SHANK2: variants seen among roughly 807,000 people sequenced by gnomAD.
SHANK2 encodes the protein SH3 and multiple ankyrin repeat domains protein 2.
In SHANK2, 43 loss-of-function variants were observed where a neutral mutation model predicts 133.7. The observed-to-expected ratio is 0.32, with a 90% CI of 0.25 to 0.41. The LOEUF (loss-of-function observed/expected upper bound fraction) is 0.41, where lower values mean the gene tolerates loss of function less well. Ranked by LOEUF, SHANK2 falls within the 10% of genes least tolerant of loss-of-function variation. The pLI is 1.00. For synonymous variants in SHANK2, 1,017 were observed against 952.8 expected, an observed-to-expected ratio of 1.07 and a Z score of -1.24; for missense variants, 1,994 against 2,235.8, an observed-to-expected ratio of 0.89 and a Z score of 2.18.
At chr11:71,094,723 C>T in intron 6 of SHANK2, 35 bp from the exon 7 acceptor site, 1 of 1,541,602 alleles carries the variant, frequency 6.5e-7, no homozygotes, top group Non-Finnish European at 8.8e-7. Context: ...TTAGAACCAA[C>T]ATTTGTCACA....
At chr11:70,869,393 C>T (rs531868576) in intron 11 of SHANK2, among the ~76,000 whole-genome samples, 60 of 152,338 alleles carry the variant, frequency 3.9e-4, no homozygotes, top group Non-Finnish European at 6.8e-4. Context: ...TTGGGATGCA[C>T]CGATCGGCAC....
chr11:71,138,363 T>C (rs1952489267), intron 3 of SHANK2, among the ~76,000 whole-genome samples: 2 of 152,172 alleles, frequency 1.3e-5, no homozygotes. Context: ...TATTCAAAAG[T>C]AGAGGAATCC....
At chr11:71,090,095 G>A (rs1385162322) in intron 8 of SHANK2, among the ~76,000 whole-genome samples, 3 of 151,192 alleles carry the variant, frequency 2.0e-5, no homozygotes, top group African/African-American at 7.3e-5. Flanking sequence ...GAACGTGTGT[G>A]TGTGTGTGTG....
chr11:71,090,088 CGTGTGTGTGT>C (rs1302645293), intron 8 of SHANK2, among the ~76,000 whole-genome samples: 1 of 141,032 alleles, frequency 7.1e-6, no homozygotes. Context: ...AGACACAGAA[CGTGTGTGTGT>C]GTGTGTGTGT....
chr11:70,676,143 G>A (rs1555017153), intron 15 of SHANK2, among the ~76,000 whole-genome samples: 1 of 152,232 alleles, frequency 6.6e-6, no homozygotes, highest in African/African-American at 2.4e-5. Flanking sequence ...GACACTGTGT[G>A]CTTAGAGGGA....
intron 14 of SHANK2, among the ~76,000 whole-genome samples, chr11:70,720,671 G>A (rs1397545661): frequency 1.3e-5 from 2 of 152,364 alleles, no homozygotes; most frequent in African/African-American, 4.8e-5. Flanking sequence ...GAAACATGCA[G>A]GAATGACAGG....
intron 9 of SHANK2, among the ~76,000 whole-genome samples, chr11:71,073,147 C>CTTTCTTTTTTTTT (rs1951166746): frequency 1.4e-4 from 9 of 62,716 alleles, no homozygotes; most frequent in African/African-American, 3.8e-4. Flanking sequence ...TTTTTCTTTT[C>CTTTCTTTTTTTTT]TTTTTTTTCT....
intron 12 of SHANK2, among the ~76,000 whole-genome samples, chr11:70,813,862 C>T (rs1948329919): frequency 6.6e-6 from 1 of 152,204 alleles, no homozygotes; most frequent in Admixed American, 6.5e-5. Flanking sequence ...GGGCTTCACG[C>T]TGCCTCTGTG....
At chr11:70,552,076 C>T (rs782305937) in intron 17 of SHANK2, among the ~76,000 whole-genome samples, 2 of 152,218 alleles carry the variant, frequency 1.3e-5, no homozygotes, top group Admixed American at 1.3e-4. Context: ...CCCAAGACCA[C>T]GTTTACCAGT....
At chr11:70,547,694 T>A (rs1410545201) in intron 17 of SHANK2, among the ~76,000 whole-genome samples, 1 of 152,178 alleles carries the variant, frequency 6.6e-6, no homozygotes, top group African/African-American at 2.4e-5. Context: ...CAGATCTGAT[T>A]TGAAAAGAAA....
intron 17 of SHANK2, among the ~76,000 whole-genome samples, chr11:70,583,416 T>C (rs1341253030): frequency 6.6e-6 from 1 of 152,112 alleles, no homozygotes; most frequent in Non-Finnish European, 1.5e-5. Context: ...TCTTCGGGGC[T>C]GTGGCACAGG....
intron 1 of SHANK2, among the ~76,000 whole-genome samples, chr11:71,239,829 T>C (rs1954866437): frequency 6.6e-6 from 1 of 152,168 alleles, no homozygotes; most frequent in South Asian, 2.1e-4. Flanking sequence ...CTGGATGGTC[T>C]GTGACCTCAG....
chr11:70,599,160 C>T (rs782108166), intron 17 of SHANK2, among the ~76,000 whole-genome samples: 5 of 152,058 alleles, frequency 3.3e-5, no homozygotes, highest in Middle Eastern at 3.4e-3. Context: ...AATCAATATA[C>T]CAAAGCCAGC....
chr11:70,763,478 G>C (rs1300113685), intron 14 of SHANK2, among the ~76,000 whole-genome samples: 1 of 152,152 alleles, frequency 6.6e-6, no homozygotes, highest in Non-Finnish European at 1.5e-5. Context: ...GAAGTTGGAC[G>C]TTCTCATGAC....
At chr11:70,729,224 A>G (rs1946233032) in intron 14 of SHANK2, among the ~76,000 whole-genome samples, 1 of 151,812 alleles carries the variant, frequency 6.6e-6, no homozygotes, top group African/African-American at 2.4e-5. Context: ...AAAAAAGAAG[A>G]AAGAAAGAAA....
rs17160934 is a variant in SHANK2 at position 70,577,607 on chromosome 11, G to C, written c.2062-74676C>G. On this transcript the variant is annotated intron_variant, in intron 17 of 25. Coordinates refer to ENST00000601538, the MANE Select transcript of SHANK2 (RefSeq NM_012309.5). ...ATCCTTTCCTGATGTGCACAAAATAGATGAGGCAACAGATTGATTTGAGGG... is the reference window on the plus strand; with the variant it reads ...ATCCTTTCCTGATGTGCACAAAATACATGAGGCAACAGATTGATTTGAGGG... 1.6e-3 allele frequency among the ~76,000 whole-genome samples: 248 copies of C among 152,290 alleles called. 1 individual carries two copies. The highest frequency in any genetic ancestry group is 9.3e-3 in the Admixed American group (143 of 15,304).
chr11:70,855,647 C>A (rs1256460526), intron 11 of SHANK2, among the ~76,000 whole-genome samples: 1 of 152,216 alleles, frequency 6.6e-6, no homozygotes. Context: ...AACCAGCAGA[C>A]CCTGAGGGCA....
intron 2 of SHANK2, among the ~76,000 whole-genome samples, chr11:71,177,962 C>A (rs1445116445): frequency 5.3e-5 from 8 of 152,152 alleles, no homozygotes; most frequent in African/African-American, 1.9e-4. Flanking sequence ...AAACTGGAAC[C>A]CTCATGCACT....
At chr11:70,502,125 T>C in intron 19 of SHANK2, 81 bp downstream of exon 19, 6 of 1,468,294 alleles carry the variant, frequency 4.1e-6, no homozygotes, top group Non-Finnish European at 4.7e-6. Flanking sequence ...CGTGGGGTCA[T>C]GCACAGCCTG....
Sources: gnomAD v4.1 joint callset for allele counts (sites outside exome capture counted in the v4.1 genomes callset) on GRCh38, gnomAD v4.1.1 for gene constraint, MANE v1.5 for transcripts, NCBI Gene and HGNC (gene_info 2026-07-23, HGNC 2026-07-21) for gene names.